Variants in LRBA observed in about 807,000 individuals in gnomAD.
LRBA encodes lipopolysaccharide-responsive and beige-like anchor protein.
Under a neutral mutation model 330.0 loss-of-function variants are expected in LRBA, and 176 were observed. The ratio of observed to expected loss-of-function variants is 0.53; its 90% confidence interval spans 0.47 to 0.60. The LOEUF (loss-of-function observed/expected upper bound fraction) is 0.60, where lower values mean the gene tolerates loss of function less well. LRBA is among the 20% of genes least tolerant of loss of function. LRBA has a pLI of 0.00. For missense variants in LRBA, 3,259 were observed against 3,444.8 expected (o/e 0.95, Z 1.35); for synonymous variants, 1,230 against 1,193.0 (o/e 1.03, Z -0.64).
intron 53 of LRBA, among the ~76,000 whole-genome samples, chr4:150,291,995 T>C (rs1232527654): frequency 6.6e-6 from 1 of 152,216 alleles, no homozygotes; most frequent in East Asian, 1.9e-4. Flanking sequence ...ACACCGCATA[T>C]TCTCACTCAT....
chr4:150,425,991 C>CA (rs897764025), intron 46 of LRBA, among the ~76,000 whole-genome samples: 1 of 151,598 alleles, frequency 6.6e-6, no homozygotes, highest in South Asian at 2.1e-4. Context: ...TCTTAATTAA[C>CA]AAAAAAGAGC....
intron 49 of LRBA, among the ~76,000 whole-genome samples, chr4:150,325,607 G>C (rs1733138964): frequency 6.6e-6 from 1 of 152,106 alleles, no homozygotes; most frequent in Admixed American, 6.6e-5. Context: ...AAATACAAGA[G>C]CACTGGAGCA....
intron 40 of LRBA, among the ~76,000 whole-genome samples, chr4:150,571,786 G>C (rs1769898763): frequency 6.8e-6 from 1 of 147,658 alleles, no homozygotes; most frequent in South Asian, 2.2e-4. Flanking sequence ...ATATCACAAT[G>C]TTAAACAAGA....
chr4:150,371,607 C>G (rs986765744), intron 47 of LRBA, among the ~76,000 whole-genome samples: 13 of 151,986 alleles, frequency 8.6e-5, no homozygotes. Flanking sequence ...GAACTCCAGT[C>G]TAATGGAGAC....
At chr4:150,440,019 A>C (rs908650946) in intron 44 of LRBA, among the ~76,000 whole-genome samples, 1 of 152,194 alleles carries the variant, frequency 6.6e-6, no homozygotes, top group Non-Finnish European at 1.5e-5. Flanking sequence ...CTAAAAGTAA[A>C]TGCTGACGGA....
At position 150,361,319 on chromosome 4, in the gene LRBA, AT is replaced by A. The variant is rs1432929723; in HGVS notation, c.7195-11161del. Among the ~76,000 whole-genome samples, 2 of 152,202 alleles carry A rather than the reference AT, an allele frequency of 1.3e-5. 1 individual carries two copies. The highest frequency in any genetic ancestry group is 1.3e-4 in the Admixed American group (2 of 15,278). ...AAGTAGCCATGAATACATATGCAATATGAGGTCAACAATAGAGACTTCTTGC... is the reference window on the plus strand; with the variant it reads ...AAGTAGCCATGAATACATATGCAATAGAGGTCAACAATAGAGACTTCTTGC... On this transcript the variant is annotated intron_variant, in intron 47 of 56. Coordinates refer to ENST00000651943, the MANE Select transcript of LRBA (RefSeq NM_001364905.1).
intron 2 of LRBA, among the ~76,000 whole-genome samples, chr4:150,971,376 T>C (rs1739565902): frequency 6.6e-6 from 1 of 152,168 alleles, no homozygotes; most frequent in South Asian, 2.1e-4. Context: ...TATAAGGTCA[T>C]CATGTAAGCC....
At chr4:150,870,723 T>C (rs1753329024) in intron 19 of LRBA, 117 bp from the exon 20 acceptor site, 1 of 565,858 alleles carries the variant, frequency 1.8e-6, no homozygotes, top group Non-Finnish European at 3.2e-6. Flanking sequence ...CAAAATATAG[T>C]ATATTTTTAG....
chr4:150,367,052 G>A (rs1561074350), intron 47 of LRBA, among the ~76,000 whole-genome samples: 2 of 152,110 alleles, frequency 1.3e-5, no homozygotes, highest in Admixed American at 6.6e-5. Flanking sequence ...GTCTGCATTA[G>A]TATTTATGCT....
chr4:150,646,104 T>A (rs1291409345), intron 37 of LRBA, among the ~76,000 whole-genome samples: 1 of 151,862 alleles, frequency 6.6e-6, no homozygotes, highest in Admixed American at 6.6e-5. Context: ...AGTTTTACAA[T>A]CTCTGATATA....
intron 40 of LRBA, chr4:150,584,338 T>A: frequency 2.4e-6 from 1 of 420,818 alleles, no homozygotes; most frequent in Admixed American, 4.1e-5. Context: ...ACAATGTGAA[T>A]TTAAAAGGTC....
chr4:150,274,057 A>G (rs1432940744), intron 56 of LRBA, among the ~76,000 whole-genome samples: 1 of 152,224 alleles, frequency 6.6e-6, no homozygotes, highest in Non-Finnish European at 1.5e-5. Flanking sequence ...ACATAATTGA[A>G]AGTAAAACAC....
intron 40 of LRBA, among the ~76,000 whole-genome samples, chr4:150,544,638 G>T (rs557637175): frequency 8.5e-5 from 13 of 152,140 alleles, no homozygotes; most frequent in Non-Finnish European, 1.5e-4. Context: ...GAAGCTTGTT[G>T]TTCACCCCCT....
intron 35 of LRBA, among the ~76,000 whole-genome samples, chr4:150,751,788 T>A (rs574261656): frequency 8.5e-5 from 13 of 152,278 alleles, no homozygotes; most frequent in Non-Finnish European, 1.8e-4. Context: ...CTAGAAAAGA[T>A]TCATACTGGA....
chr4:150,590,378 A>C (rs1178360907), intron 39 of LRBA, among the ~76,000 whole-genome samples: 3 of 148,876 alleles, frequency 2.0e-5, no homozygotes, highest in South Asian at 4.2e-4. Context: ...AAAAAAAAAA[A>C]ACTGGCAGAA....
intron 40 of LRBA, among the ~76,000 whole-genome samples, chr4:150,559,146 A>C (rs1581671046): frequency 1.3e-5 from 2 of 152,222 alleles, no homozygotes; most frequent in African/African-American, 4.8e-5. Context: ...CTGTTAAAAA[A>C]AGGAGAGAAC....
rs553873427 is a variant in LRBA, at chr4:150,324,446, G to C, written c.7452+1363C>G. Reference sequence around the variant, plus strand: ...GATTTTACTGATTTAAAAACATGTAGGGGAAAGAGTGATGCAAACAATTTT... The same window carrying C: ...GATTTTACTGATTTAAAAACATGTACGGGAAAGAGTGATGCAAACAATTTT... On this transcript the variant is annotated intron_variant, in intron 49 of 56. Transcript: ENST00000651943. 5.5e-4 allele frequency among the ~76,000 whole-genome samples: 84 copies of C among 152,192 alleles called. 2 individuals are homozygous for C. The South Asian group carries it at 0.016, about 29-fold the overall frequency.
At chr4:150,708,264 T>C (rs1302768297) in intron 36 of LRBA, among the ~76,000 whole-genome samples, 2 of 151,870 alleles carry the variant, frequency 1.3e-5, no homozygotes, top group African/African-American at 4.8e-5. Flanking sequence ...CTCAATTCTG[T>C]TCAGCAAGCA....
Position 150,460,041 on chromosome 4 carries a change from C to G in LRBA, c.6780+7632G>C, listed in dbSNP as rs561090845. ...ACACCTAACAAGTTTAAACAATATTCCCCCCACCCCCAAGAGTGTTCTTTT... is the reference window on the plus strand; with the variant it reads ...ACACCTAACAAGTTTAAACAATATTGCCCCCACCCCCAAGAGTGTTCTTTT... On this transcript the variant is annotated intron_variant, in intron 44 of 56. Transcript: ENST00000651943. Among the ~76,000 whole-genome samples, 11 of 149,218 alleles carry G rather than the reference C, an allele frequency of 7.4e-5. No homozygotes were observed. The East Asian group carries it at 2.1e-3, about 29-fold the overall frequency.
Sources: gnomAD v4.1 joint callset for allele counts (sites outside exome capture counted in the v4.1 genomes callset) on GRCh38, gnomAD v4.1.1 for gene constraint, MANE v1.5 for transcripts, NCBI Gene and HGNC (gene_info 2026-07-23, HGNC 2026-07-21) for gene names.